ERCC5: variants seen among roughly 807,000 people sequenced by gnomAD.
ERCC5 encodes DNA excision repair protein ERCC-5.
A neutral mutation model predicts 105.6 loss-of-function variants in ERCC5; 68 were observed. That is an observed-to-expected ratio of 0.64 (90% CI 0.53 to 0.79). ERCC5 has a LOEUF of 0.79. Ranked by LOEUF, ERCC5 falls within the 30% of genes least tolerant of loss-of-function variation. The pLI, the probability that ERCC5 is intolerant of heterozygous loss-of-function variation, is 0.00. For missense variants in ERCC5, 1,373 were observed against 1,426.7 expected (o/e 0.96, Z 0.61); for synonymous variants, 546 against 526.2 (o/e 1.04, Z -0.51).
chr13:102,874,885 T>C (rs1418517642), intron 14 of ERCC5: 1 of 178,402 alleles, frequency 5.6e-6, no homozygotes, highest in African/African-American at 2.4e-5. Context: ...CAGTTGCTAA[T>C]ATATACTGTG....
intron 5 of ERCC5, 90 bp downstream of exon 5, chr13:102,856,202 G>A: frequency 1.5e-6 from 2 of 1,346,770 alleles, no homozygotes; most frequent in Non-Finnish European, 2.1e-6. Context: ...ATCAAACTGT[G>A]AAAGTTCCTG....
At chr13:102,873,432 G>T (rs1883098326) in intron 14 of ERCC5, 89 bp downstream of exon 14, 1 of 1,415,900 alleles carries the variant, frequency 7.1e-7, no homozygotes, top group Non-Finnish European at 1.0e-6. Context: ...CTTATTTTGG[G>T]GCATAGAGCA....
In ERCC5 at chr13:102,863,058, G is replaced by T. The variant is rs1283911541; in HGVS notation, c.1909G>T (p.Ala637Ser). The T allele has an allele frequency of 1.7e-5, 28 of 1,613,980 alleles. 1 individual carries two copies. In the East Asian group the frequency reaches 6.2e-4, roughly 36 times the overall value. The change falls in exon 8 of 15, where the codon GCC becomes TCC. Residue 637 changes from alanine to serine, a missense_variant. Ala to Ser is a moderately conservative substitution (Grantham distance 99, BLOSUM62 1). This residue lies in a region of ERCC5 where 1,004 missense variants were observed against 1,059.7 expected (regional missense o/e 0.95). Coordinates refer to ENST00000652225, the MANE Select transcript of ERCC5 (RefSeq NM_000123.4). ...CCAGGATTTAATTTCCATTCCAAAG[G>T]CCGTGGAACCAATGGAAATTGACTC... Reference protein sequence around the residue: ...AGQDLISIPKAVEPMEIDSEE... With the variant: ...AGQDLISIPKSVEPMEIDSEE...
rs4150389 is a variant in ERCC5, at chr13:102,875,924, ATAAT to A, written c.*24_*27del. The A allele has an allele frequency of 1.1e-3, 1,810 of 1,598,686 alleles. 4 individuals carry two copies. Among genetic ancestry groups the A allele is most frequent in the South Asian group, 1.9e-3 (172 of 90,742 alleles). On this transcript the variant is annotated 3_prime_UTR_variant, in exon 15 of 15. Coordinates refer to ENST00000652225, the MANE Select transcript of ERCC5 (RefSeq NM_000123.4). ...CCTAATTAAAAAATATGTATCCTCT[ATAAT>A]TAGTTATGACAGCCATTTGTAATGA...
rs1349354166 is a variant in ERCC5 at position 102,865,868 on chromosome 13, A to G, written c.2156A>G (p.Lys719Arg). Residue 719 changes from lysine to arginine, a missense_variant, in exon 9 of 15, where the codon AAA (lysine) becomes AGA (arginine). Transcript: ENST00000652225. The surrounding 1 kb of genome is among the most constrained non-coding windows in gnomAD (Gnocchi z 4.0). ...GATGGTGAGCCACAGGAAGCTGAGA[A>G]AGATGCGGAAGATTCGCTCCATGAA... ...DVDGEPQEAE[K>R]DAEDSLHEWQ... 1.2e-6 allele frequency: 2 copies of G among 1,614,254 alleles called. No individual in the cohort carries two copies. Among genetic ancestry groups the G allele is most frequent in the Admixed American group, 1.7e-5 (1 of 60,030 alleles).
At chr13:102,856,026 A>G (rs369625973) in intron 4 of ERCC5, 26 bp from the exon 5 acceptor site, 66 of 1,611,978 alleles carry the variant, frequency 4.1e-5, no homozygotes, top group Admixed American at 1.3e-4. Context: ...AATCATAGAT[A>G]TCGTAAAAGT....
intron 1 of ERCC5, 29 bp downstream of exon 1, chr13:102,846,383 G>A (rs752981254): frequency 6.3e-7 from 1 of 1,595,544 alleles, no homozygotes; most frequent in South Asian, 1.1e-5. Context: ...TGGGACTTGG[G>A]GTGCAGGGAT....
Position 102,865,973 on chromosome 13 carries a change from G to A in ERCC5, c.2199+62G>A. 6.2e-7 allele frequency: 1 copy of A among 1,612,730 alleles called. No homozygotes were observed. Among genetic ancestry groups the A allele is most frequent in the South Asian group, 1.1e-5 (1 of 90,372 alleles). On this transcript the variant is annotated intron_variant, in intron 9 of 14. Coordinates refer to ENST00000652225, the MANE Select transcript of ERCC5 (RefSeq NM_000123.4). The surrounding 1 kb of genome is among the most constrained non-coding windows in gnomAD (Gnocchi z 4.0). ...GGAAGCCAGGTTAAGTAGGTTTTGA[G>A]TTTTAAGGAGTTGGTGGATGAGTAT...
In ERCC5 at chr13:102,853,871, A is replaced by AG. The variant is rs1420753664; in HGVS notation, c.380+1dup. On this transcript the variant is annotated frameshift_variant and splice_region_variant, in exon 3 of 15. Coordinates refer to ENST00000652225, the MANE Select transcript of ERCC5 (RefSeq NM_000123.4). LOFTEE classifies it high-confidence loss of function. ...CATCAAAACTGCCTTCAGAAGCAAA[A>AG]GGCAAGAGGAAAATTATAGTCGTGT... 1 of 1,613,904 alleles carries AG rather than the reference A, an allele frequency of 6.2e-7. No homozygotes were observed. Among genetic ancestry groups the AG allele is most frequent in the Non-Finnish European group, 8.5e-7 (1 of 1,179,744 alleles).
At chr13:102,855,583 C>T (rs1015333196) in intron 4 of ERCC5, among the ~76,000 whole-genome samples, 3 of 152,204 alleles carry the variant, frequency 2.0e-5, no homozygotes, top group Admixed American at 6.5e-5. Flanking sequence ...AAAACTTTAA[C>T]TCCTTAATTA....
At chr13:102,846,723 T>A (rs779138588) in intron 1 of ERCC5, among the ~76,000 whole-genome samples, 1 of 152,206 alleles carries the variant, frequency 6.6e-6, no homozygotes, top group Non-Finnish European at 1.5e-5. Context: ...TAAAATTTTT[T>A]GTAGTTTTTA....
In ERCC5 at chr13:102,852,200, T is replaced by G. The variant is rs534558615; in HGVS notation, c.171T>G (p.Thr57=). 2 of 1,614,152 alleles carry G rather than the reference T, an allele frequency of 1.2e-6. No individual in the cohort carries two copies. The highest frequency in any genetic ancestry group is 1.3e-5 in the African/African-American group (1 of 75,054). ...GNSIENPHLL[T]LFHRLCKLLF... ...CAATAGAAAATCCTCATCTTCTCACTTTGTTTCATCGGCTCTGCAAACTCT... is the reference window on the plus strand; with the variant it reads ...CAATAGAAAATCCTCATCTTCTCACGTTGTTTCATCGGCTCTGCAAACTCT... The change falls in exon 2 of 15, where the codon ACT becomes ACG. Residue 57 remains threonine (T), a synonymous_variant. Transcript: ENST00000652225.
rs1220044129 is a variant in ERCC5, at chr13:102,872,233, T to A, written c.2714T>A (p.Ile905Lys). 3 of 1,614,014 alleles carry A rather than the reference T, an allele frequency of 1.9e-6. No homozygotes were observed. The highest frequency in any genetic ancestry group is 8.5e-7 in the Non-Finnish European group (1 of 1,179,984). ...WWHEAQKNPK[I>K]RPNPHDTKVK... ...CATGAAGCTCAAAAAAATCCAAAGA[T>A]AAGACCTAATCCTCATGACACCAAA... is the stretch of plus-strand genomic sequence containing the variant. Residue 905 changes from isoleucine to lysine, a missense_variant, in exon 13 of 15, where the codon ATA (isoleucine) becomes AAA (lysine). This residue lies in a region of ERCC5 where 367 missense variants were observed against 350.2 expected (regional missense o/e 1.05). Transcript: ENST00000652225.
intron 1 of ERCC5, among the ~76,000 whole-genome samples, chr13:102,848,797 G>A (rs1159626202): frequency 6.6e-6 from 1 of 151,834 alleles, no homozygotes; most frequent in African/African-American, 2.4e-5. Flanking sequence ...ATATTTTCAG[G>A]TCGTCTAATT....
intron 6 of ERCC5, among the ~76,000 whole-genome samples, chr13:102,860,508 C>T (rs1277703110): frequency 3.9e-5 from 6 of 152,072 alleles, no homozygotes; most frequent in African/African-American, 9.7e-5. Flanking sequence ...CAGTTTCAGG[C>T]ATCCTCTGGG....
chr13:102,859,087 G>A (rs1882531779), intron 6 of ERCC5: 1 of 342,846 alleles, frequency 2.9e-6, no homozygotes, highest in Non-Finnish European at 5.9e-6. Context: ...TGTGTCTCCT[G>A]ATCATGCTGC....
Position 102,862,555 on chromosome 13 carries a change from A to G in ERCC5, c.1406A>G (p.Asp469Gly). ...ASTNEGREPT[D>G]SVPKEQMSLV... ...ACTAATGAGGGGAGAGAGCCCACAG[A>G]CTCAGTTCCAAAAGAACAAATGTCA... The change falls in exon 8 of 15, where the codon GAC becomes GGC. Residue 469 changes from aspartate to glycine, a missense_variant. Coordinates refer to ENST00000652225, the MANE Select transcript of ERCC5 (RefSeq NM_000123.4). 2 of 1,614,182 alleles carry G rather than the reference A, an allele frequency of 1.2e-6. No individual in the cohort carries two copies. The highest frequency in any genetic ancestry group is 8.5e-7 in the Non-Finnish European group (1 of 1,180,030).
intron 1 of ERCC5, chr13:102,849,010 G>T (rs1229282782): frequency 2.5e-6 from 1 of 396,330 alleles, no homozygotes; most frequent in Non-Finnish European, 5.0e-6. Context: ...AGGGATGAGA[G>T]CCACTGATCT....
chr13:102,858,242 A>G, intron 5 of ERCC5, 33 bp from the exon 6 acceptor site: 1 of 1,613,954 alleles, frequency 6.2e-7, no homozygotes, highest in Non-Finnish European at 8.5e-7. Context: ...TATGAAATGT[A>G]AATTTCATGG....
Sources: allele counts gnomAD v4.1 joint callset (sites outside exome capture counted in the v4.1 genomes callset), GRCh38; gene constraint gnomAD v4.1.1; regional missense constraint gnomAD v4.1.1; non-coding constraint Gnocchi (gnomAD v3.1); transcripts MANE v1.5; gene names NCBI Gene and HGNC (gene_info 2026-07-23, HGNC 2026-07-21).